The following SHISA6 variants were observed in gnomAD, a reference collection of about 807,000 sequenced individuals.
The protein encoded by SHISA6 is protein shisa-6.
In SHISA6, 22 loss-of-function variants were observed where a neutral mutation model predicts 47.9. The observed-to-expected ratio is 0.46, with a 90% confidence interval of 0.33 to 0.66. The LOEUF (loss-of-function observed/expected upper bound fraction) is 0.66. SHISA6 is among the 30% of genes least tolerant of loss of function. The pLI is 0.02. For synonymous variants in SHISA6, 388 were observed against 337.8 expected (o/e 1.15, Z -1.63); for missense variants, 680 against 764.6 (o/e 0.89, Z 1.30).
chr17:11,442,413 AGC>A (rs1216264364), intron 3 of SHISA6, among the ~76,000 whole-genome samples: 1 of 152,112 alleles, frequency 6.6e-6, no homozygotes, highest in Non-Finnish European at 1.5e-5. Context: ...ACTCCATCAG[AGC>A]CCTGCTTCTG....
chr17:11,331,743 AACAC>A (rs5819313), intron 2 of SHISA6, among the ~76,000 whole-genome samples: 3 of 149,948 alleles, frequency 2.0e-5, no homozygotes, highest in African/African-American at 2.4e-5. Context: ...GGCTCTCTCA[AACAC>A]ACACACACAC....
intron 3 of SHISA6, among the ~76,000 whole-genome samples, chr17:11,403,446 T>G (rs1245187157): frequency 6.6e-6 from 1 of 152,224 alleles, no homozygotes; most frequent in Non-Finnish European, 1.5e-5. Context: ...CCTGGAAGTT[T>G]TTCTAGGGGA....
intron 3 of SHISA6, among the ~76,000 whole-genome samples, chr17:11,516,167 G>A (rs1183848526): frequency 1.3e-5 from 2 of 152,306 alleles, no homozygotes; most frequent in East Asian, 1.9e-4. Context: ...GAACACCAGA[G>A]CATTTCCTCA....
chr17:11,510,020 C>T (rs12949863), intron 3 of SHISA6, among the ~76,000 whole-genome samples: 322 of 151,916 alleles, frequency 2.1e-3, no homozygotes, highest in African/African-American at 3.2e-3. Context: ...AAGGGAAAAC[C>T]GAGGAAGAAG....
chr17:11,282,671 A>T (rs1460162744), intron 2 of SHISA6, among the ~76,000 whole-genome samples: 1 of 152,154 alleles, frequency 6.6e-6, no homozygotes, highest in Non-Finnish European at 1.5e-5. Flanking sequence ...TCCTTGTGAT[A>T]GTTTGCTGAG....
intron 1 of SHISA6, 63 bp downstream of exon 1, chr17:11,242,123 C>T (rs1173533416): frequency 6.5e-7 from 1 of 1,540,578 alleles, no homozygotes; most frequent in East Asian, 2.4e-5. Context: ...AGCTTGCTTC[C>T]CCTGTCCTCT....
intron 3 of SHISA6, among the ~76,000 whole-genome samples, chr17:11,472,101 G>A (rs961611676): frequency 1.3e-5 from 2 of 151,774 alleles, no homozygotes; most frequent in African/African-American, 2.4e-5. Context: ...TTCATCCCCC[G>A]TTTTCCCCTG....
At chr17:11,475,902 C>T (rs1916040632) in intron 3 of SHISA6, among the ~76,000 whole-genome samples, 1 of 151,836 alleles carries the variant, frequency 6.6e-6, no homozygotes, top group Non-Finnish European at 1.5e-5. Flanking sequence ...CATGAGTAAA[C>T]CTATTTGGGT....
intron 2 of SHISA6, among the ~76,000 whole-genome samples, chr17:11,306,856 TC>T (rs1000668306): frequency 6.6e-6 from 1 of 152,186 alleles, no homozygotes; most frequent in African/African-American, 2.4e-5. Context: ...TATCCCCATC[TC>T]CTTTATTTCC....
chr17:11,258,130 T>C (rs1334389678), intron 1 of SHISA6, among the ~76,000 whole-genome samples: 1 of 152,206 alleles, frequency 6.6e-6, no homozygotes, highest in Non-Finnish European at 1.5e-5. Flanking sequence ...CACGGAATAG[T>C]TCATCTATTT....
Position 11,280,006 on chromosome 17 carries a change from A to G in SHISA6, c.799+16480A>G, listed in dbSNP as rs1215910900. ...CAGCACCCTCAGGTCTGTGGGCTCG[A>G]GTGAGTCAAAAGGGCTGCTTGGGCG... On this transcript the variant is annotated intron_variant, in intron 2 of 5. Transcript: ENST00000441885. 2.6e-5 allele frequency among the ~76,000 whole-genome samples: 4 copies of G among 152,292 alleles called. No individual in the cohort carries two copies. In the East Asian group the frequency reaches 7.7e-4, roughly 29 times the overall value.
intron 3 of SHISA6, among the ~76,000 whole-genome samples, chr17:11,387,176 C>T (rs1913223718): frequency 6.6e-6 from 1 of 152,070 alleles, no homozygotes; most frequent in Non-Finnish European, 1.5e-5. Context: ...CTTTCCAGAC[C>T]CCACAGAACA....
intron 2 of SHISA6, among the ~76,000 whole-genome samples, chr17:11,374,584 C>CT (rs1280482004): frequency 6.6e-6 from 1 of 151,884 alleles, no homozygotes. Flanking sequence ...AAAGTCTGGA[C>CT]TTTTTTGTGA....
intron 3 of SHISA6, among the ~76,000 whole-genome samples, chr17:11,393,130 G>A (rs1431470055): frequency 1.3e-5 from 2 of 152,144 alleles, no homozygotes; most frequent in Non-Finnish European, 2.9e-5. Flanking sequence ...AGATATCTGG[G>A]CATTTATTGA....
intron 3 of SHISA6, among the ~76,000 whole-genome samples, chr17:11,477,819 T>A (rs1177669841): frequency 6.6e-6 from 1 of 151,596 alleles, no homozygotes; most frequent in African/African-American, 2.4e-5. Flanking sequence ...CAGTCTATCA[T>A]TGTTGGACAT....
At chr17:11,286,352 C>G (rs975491850) in intron 2 of SHISA6, among the ~76,000 whole-genome samples, 2 of 152,118 alleles carry the variant, frequency 1.3e-5, no homozygotes, top group Non-Finnish European at 2.9e-5. Flanking sequence ...TATTCTCTGC[C>G]CTAGGAATTC....
intron 2 of SHISA6, among the ~76,000 whole-genome samples, chr17:11,340,426 CT>C (rs1276724073): frequency 6.6e-6 from 1 of 152,168 alleles, no homozygotes; most frequent in African/African-American, 2.4e-5. Flanking sequence ...ATGCAGCAGG[CT>C]AGGCTAAGCT....
At chr17:11,394,646 A>ATAG (rs1383247761) in intron 3 of SHISA6, among the ~76,000 whole-genome samples, 75 of 152,202 alleles carry the variant, frequency 4.9e-4, no homozygotes, top group Admixed American at 4.9e-3. Flanking sequence ...CATCATTTAT[A>ATAG]TAGCCAGTTT....
intron 2 of SHISA6, among the ~76,000 whole-genome samples, chr17:11,357,215 A>T (rs1344119662): frequency 9.4e-5 from 14 of 149,458 alleles, no homozygotes; most frequent in Admixed American, 5.3e-4. Flanking sequence ...AAAATGAAGA[A>T]GAAGAAGAAG....
Sources: allele counts gnomAD v4.1 joint callset (sites outside exome capture counted in the v4.1 genomes callset), GRCh38; gene constraint gnomAD v4.1.1; transcripts MANE v1.5; gene names NCBI Gene and HGNC (gene_info 2026-07-23, HGNC 2026-07-21).